The following GALNTL6 variants were observed in gnomAD, a reference collection of about 807,000 sequenced individuals.
GALNTL6 encodes polypeptide N-acetylgalactosaminyltransferase like 6, also known as polypeptide N-acetylgalactosaminyltransferase-like 6.
In GALNTL6, 46 loss-of-function variants were observed where a neutral mutation model predicts 73.7. That is an observed-to-expected ratio of 0.62 (90% confidence interval 0.49 to 0.80). GALNTL6 has a LOEUF of 0.80. Among genes scored for constraint, GALNTL6 ranks in the 30% least tolerant of loss-of-function variants. The pLI, the probability that GALNTL6 is intolerant of heterozygous loss-of-function variation, is 0.00. For missense variants in GALNTL6, 604 were observed against 755.0 expected (o/e 0.80, Z 2.34); for synonymous variants, 259 against 263.7 (o/e 0.98, Z 0.17).
At chr4:172,722,980 G>T (rs915303601) in intron 5 of GALNTL6, among the ~76,000 whole-genome samples, 1 of 152,068 alleles carries the variant, frequency 6.6e-6, no homozygotes, top group African/African-American at 2.4e-5. Flanking sequence ...GAGGGTGTTG[G>T]CAGGACTATG....
intron 5 of GALNTL6, among the ~76,000 whole-genome samples, chr4:172,540,727 C>A (rs1735522643): frequency 6.6e-6 from 1 of 152,096 alleles, no homozygotes; most frequent in African/African-American, 2.4e-5. Flanking sequence ...TTTAAGGATT[C>A]TTTATTTGAA....
intron 5 of GALNTL6, among the ~76,000 whole-genome samples, chr4:172,755,363 C>T (rs1737697146): frequency 6.6e-6 from 1 of 150,566 alleles, no homozygotes; most frequent in Non-Finnish European, 1.5e-5. Flanking sequence ...GAATACCACT[C>T]AATCAAAGTT....
chr4:171,989,739 G>A (rs878887073), intron 2 of GALNTL6, among the ~76,000 whole-genome samples: 1 of 152,218 alleles, frequency 6.6e-6, no homozygotes, highest in Non-Finnish European at 1.5e-5. Flanking sequence ...TTTATTTAAT[G>A]TCAGGAGCGG....
chr4:172,403,659 A>G (rs7349698), intron 5 of GALNTL6, among the ~76,000 whole-genome samples: 5,041 of 152,140 alleles, frequency 0.033, 110 homozygotes, highest in Non-Finnish European at 0.035. Context: ...GAAGGAGCAT[A>G]TATTTGCATA....
chr4:171,866,811 A>G (rs1735982928), intron 2 of GALNTL6, among the ~76,000 whole-genome samples: 1 of 152,100 alleles, frequency 6.6e-6, no homozygotes, highest in African/African-American at 2.4e-5. Context: ...TCATAATGGC[A>G]TTAATCCCAT....
At position 171,966,400 on chromosome 4, in the gene GALNTL6, G is replaced by A. The variant is rs143370716; in HGVS notation, c.138+151682G>A. 6.6e-3 allele frequency among the ~76,000 whole-genome samples: 1,009 copies of A among 152,252 alleles called. 17 individuals carry two copies. Among genetic ancestry groups the A allele is most frequent in the African/African-American group, 0.023 (965 of 41,524 alleles). On this transcript the variant is annotated intron_variant, in intron 2 of 12. Transcript: ENST00000506823. Reference sequence around the variant, plus strand: ...GAGAGTGGGGATGGACATAGCCGCAGACAGGCCATTATAAATGGGCTTTGG... The same window carrying A: ...GAGAGTGGGGATGGACATAGCCGCAAACAGGCCATTATAAATGGGCTTTGG...
chr4:172,675,564 A>G (rs966978698), intron 5 of GALNTL6, among the ~76,000 whole-genome samples: 2 of 152,250 alleles, frequency 1.3e-5, no homozygotes, highest in African/African-American at 4.8e-5. Flanking sequence ...CCCCACAAGC[A>G]AGAATGATTG....
rs373969458 is a variant in GALNTL6, at chr4:172,200,935, TACTC to T, written c.139-28719_139-28716del. ...AGAGCTTAATGCAATGCTGGGTACT[TACTC>T]ATGAACTGATAATTTAACAAAATTT... On this transcript the variant is annotated intron_variant, in intron 2 of 12. Transcript: ENST00000506823. Among the ~76,000 whole-genome samples the T allele has an allele frequency of 3.0e-4, 46 of 152,300 alleles. 1 individual carries two copies. The highest frequency in any genetic ancestry group is 1.1e-3 in the African/African-American group (46 of 41,582).
chr4:172,822,791 T>C lies in GALNTL6; in HGVS notation c.923+9068T>C, dbSNP rs530623626. 1.2e-4 allele frequency among the ~76,000 whole-genome samples: 18 copies of C among 152,264 alleles called. 2 individuals are homozygous for C. The highest frequency in any genetic ancestry group is 8.3e-4 in the South Asian group (4 of 4,820). On this transcript the variant is annotated intron_variant, in intron 7 of 12. Coordinates refer to ENST00000506823, the MANE Select transcript of GALNTL6 (RefSeq NM_001034845.3). ...CTGTTTTTCGTAGGGGTTTTTTTGG[T>C]CCATTTACCTGTTATATCAACTATT...
intron 5 of GALNTL6, among the ~76,000 whole-genome samples, chr4:172,590,060 G>T (rs547441208): frequency 2.0e-5 from 3 of 152,230 alleles, no homozygotes; most frequent in South Asian, 4.1e-4. Flanking sequence ...ATGCATCTTT[G>T]TACAAAACAG....
At chr4:172,693,738 A>G (rs1733471389) in intron 5 of GALNTL6, among the ~76,000 whole-genome samples, 1 of 152,038 alleles carries the variant, frequency 6.6e-6, no homozygotes, top group Non-Finnish European at 1.5e-5. Context: ...CCACTGAAAA[A>G]CTGAATCCTG....
At chr4:172,816,106 A>G (rs753770135) in intron 7 of GALNTL6, among the ~76,000 whole-genome samples, 1 of 152,232 alleles carries the variant, frequency 6.6e-6, no homozygotes, top group Non-Finnish European at 1.5e-5. Context: ...CAGCTTTCTT[A>G]TAGTCTTCCA....
chr4:172,041,473 A>T (rs891018246), intron 2 of GALNTL6, among the ~76,000 whole-genome samples: 1 of 152,106 alleles, frequency 6.6e-6, no homozygotes, highest in Non-Finnish European at 1.5e-5. Flanking sequence ...GAACCTTAGC[A>T]TAAATAATTT....
At chr4:172,514,352 C>T (rs1264166597) in intron 5 of GALNTL6, among the ~76,000 whole-genome samples, 1 of 152,118 alleles carries the variant, frequency 6.6e-6, no homozygotes, top group African/African-American at 2.4e-5. Context: ...CTACAGGTCA[C>T]CAGTGAAGTG....
intron 5 of GALNTL6, among the ~76,000 whole-genome samples, chr4:172,380,663 ACT>A (rs1184305670): frequency 2.0e-5 from 3 of 152,258 alleles, no homozygotes; most frequent in African/African-American, 7.2e-5. Flanking sequence ...ACAAAGAAGA[ACT>A]CTTTCCTTAA....
At chr4:172,378,145 C>T (rs1052492304) in intron 5 of GALNTL6, among the ~76,000 whole-genome samples, 6 of 152,098 alleles carry the variant, frequency 3.9e-5, no homozygotes, top group East Asian at 1.9e-4. Flanking sequence ...AAGAGCCGCC[C>T]GAGTTATCTG....
intron 6 of GALNTL6, among the ~76,000 whole-genome samples, chr4:172,811,677 T>C (rs1025554454): frequency 2.6e-5 from 4 of 152,272 alleles, no homozygotes; most frequent in Middle Eastern, 3.4e-3. Context: ...GGTCTCTTCA[T>C]CTGCTAATTA....
intron 2 of GALNTL6, among the ~76,000 whole-genome samples, chr4:171,981,624 A>G (rs951474882): frequency 4.6e-5 from 7 of 152,182 alleles, no homozygotes; most frequent in Non-Finnish European, 1.0e-4. Context: ...CAAGATCTTT[A>G]TATGTTAAAT....
chr4:172,679,246 T>C (rs1184116812), intron 5 of GALNTL6, among the ~76,000 whole-genome samples: 1 of 152,020 alleles, frequency 6.6e-6, no homozygotes, highest in Non-Finnish European at 1.5e-5. Flanking sequence ...ACCCCATCTC[T>C]ACTAAAAATA....
Sources: gnomAD v4.1 joint callset for allele counts (sites outside exome capture counted in the v4.1 genomes callset) on GRCh38, gnomAD v4.1.1 for gene constraint, MANE v1.5 for transcripts, NCBI Gene and HGNC (gene_info 2026-07-23, HGNC 2026-07-21) for gene names.